GRM7: variants seen among roughly 807,000 people sequenced by gnomAD.
GRM7 encodes glutamate metabotropic receptor 7.
In GRM7, 35 loss-of-function variants were observed where a neutral mutation model predicts 84.5. The observed-to-expected ratio is 0.41, with a 90% CI of 0.32 to 0.55. The LOEUF is 0.55. Among genes scored for constraint, GRM7 ranks in the 20% least tolerant of loss-of-function variants. The pLI is 0.19. For missense variants in GRM7, 1,003 were observed against 1,194.6 expected, an observed-to-expected ratio of 0.84 and a Z score of 2.36; for synonymous variants, 487 against 455.1, an observed-to-expected ratio of 1.07 and a Z score of -0.89.
intron 1 of GRM7, among the ~76,000 whole-genome samples, chr3:7,048,170 G>C (rs1286865205): frequency 1.3e-5 from 2 of 151,872 alleles, no homozygotes; most frequent in African/African-American, 4.8e-5. Context: ...GCAAGCATAG[G>C]AGATAAGCAA....
intron 1 of GRM7, among the ~76,000 whole-genome samples, chr3:7,033,222 T>C (rs1350674847): frequency 1.3e-5 from 2 of 152,144 alleles, no homozygotes; most frequent in Non-Finnish European, 2.9e-5. Context: ...AGAGCAGTGC[T>C]TGAGTTTAAG....
At chr3:7,621,544 A>T (rs1376310384) in intron 8 of GRM7, among the ~76,000 whole-genome samples, 1 of 152,134 alleles carries the variant, frequency 6.6e-6, no homozygotes, top group Non-Finnish European at 1.5e-5. Flanking sequence ...GATGGAGTTG[A>T]AATGCTTGTG....
chr3:7,383,958 C>T (rs2125132651), intron 4 of GRM7, among the ~76,000 whole-genome samples: 1 of 152,276 alleles, frequency 6.6e-6, no homozygotes, highest in South Asian at 2.1e-4. Context: ...CCATCTAAGT[C>T]ATCTGGACCC....
intron 9 of GRM7, among the ~76,000 whole-genome samples, chr3:7,733,474 C>G (rs74331597): frequency 0.016 from 2,425 of 152,298 alleles, 64 homozygotes; most frequent in African/African-American, 0.055. Context: ...GGCCTCCAGT[C>G]CACTGCCCCC....
At position 6,901,592 on chromosome 3, in the gene GRM7, C is replaced by G. The variant is rs377686776; in HGVS notation, c.519+39685C>G. Among the ~76,000 whole-genome samples the G allele has an allele frequency of 1.1e-4, 10 of 90,474 alleles. No individual in the cohort carries two copies. The East Asian group carries it at 4.9e-3, about 45-fold the overall frequency. The allele number at this position is 90,474 out of a possible 152,430, so 59.4% of individuals were successfully genotyped here. ...CAGCCTGGCCAGCCTGGTGACAGAG[C>G]AAGACTCCGTCTAAAAAAAAAAAAA... On this transcript the variant is annotated intron_variant, in intron 1 of 9. Coordinates refer to ENST00000357716, the MANE Select transcript of GRM7 (RefSeq NM_000844.4).
At chr3:6,898,415 A>G (rs1696266770) in intron 1 of GRM7, among the ~76,000 whole-genome samples, 1 of 152,010 alleles carries the variant, frequency 6.6e-6, no homozygotes, top group Non-Finnish European at 1.5e-5. Flanking sequence ...AAAAAAAAAA[A>G]AAAAGGCAGG....
At chr3:7,000,234 C>G (rs1420515319) in intron 1 of GRM7, among the ~76,000 whole-genome samples, 1 of 143,484 alleles carries the variant, frequency 7.0e-6, no homozygotes, top group Non-Finnish European at 1.5e-5. Flanking sequence ...TTCAGTGGCA[C>G]AATCTTGGCT....
chr3:7,358,356 A>ACAACTTCCTGGTTCAAGTGATCCTCCT (rs1553567490), intron 4 of GRM7, among the ~76,000 whole-genome samples: 19 of 125,526 alleles, frequency 1.5e-4, no homozygotes, highest in Middle Eastern at 4.0e-3. Flanking sequence ...ACTGAGTCCC[A>ACAACTTCCTGGTTCAAGTGATCCTCCT]GGAGATCATC....
chr3:6,882,304 C>T (rs1173437219), intron 1 of GRM7, among the ~76,000 whole-genome samples: 1 of 152,062 alleles, frequency 6.6e-6, no homozygotes, highest in Non-Finnish European at 1.5e-5. Context: ...AAATCTAAAG[C>T]TTCTTGTTGA....
chr3:7,127,924 A>C (rs1353829), intron 1 of GRM7, among the ~76,000 whole-genome samples: 45,808 of 151,918 alleles, frequency 0.3, 8,959 homozygotes, highest in African/African-American at 0.56. Context: ...GATTAAGATC[A>C]GAATGAAAAG....
At chr3:7,241,732 G>A (rs900801048) in intron 2 of GRM7, among the ~76,000 whole-genome samples, 5 of 152,074 alleles carry the variant, frequency 3.3e-5, no homozygotes, top group African/African-American at 4.8e-5. Context: ...TAGGAAGCTG[G>A]TGCATACTTC....
chr3:7,562,444 C>T (rs555150291), intron 7 of GRM7, among the ~76,000 whole-genome samples: 1 of 152,022 alleles, frequency 6.6e-6, no homozygotes, highest in South Asian at 2.1e-4. Context: ...TTTTCTGTAA[C>T]TCCATTAATT....
Position 7,134,298 on chromosome 3 carries a change from C to T in GRM7, c.520-12154C>T, listed in dbSNP as rs115973512. Reference sequence around the variant, plus strand: ...CAGCTTCTTCCTTATTTTCCATGTTCCATAAAAAAATGGGATGAGACAAGT... The same window carrying T: ...CAGCTTCTTCCTTATTTTCCATGTTTCATAAAAAAATGGGATGAGACAAGT... On this transcript the variant is annotated intron_variant, in intron 1 of 9. Transcript: ENST00000357716. Among the ~76,000 whole-genome samples the T allele has an allele frequency of 8.0e-3, 1,210 of 152,016 alleles. 11 individuals carry two copies. Among genetic ancestry groups the T allele is most frequent in the African/African-American group, 0.02 (845 of 41,468 alleles).
chr3:7,714,501 T>C (rs1244618079), intron 9 of GRM7, among the ~76,000 whole-genome samples: 1 of 152,186 alleles, frequency 6.6e-6, no homozygotes, highest in Admixed American at 6.5e-5. Flanking sequence ...AGCAGCATCA[T>C]TGTCACCAGG....
chr3:7,238,970 A>T (rs1196371565), intron 2 of GRM7, among the ~76,000 whole-genome samples: 955 of 84,756 alleles, frequency 0.011, no homozygotes, highest in Middle Eastern at 0.029. Flanking sequence ...TTCTTTTATT[A>T]TTCTTTTCCC....
chr3:7,724,916 A>C (rs559043702), intron 9 of GRM7, among the ~76,000 whole-genome samples: 1 of 151,198 alleles, frequency 6.6e-6, no homozygotes, highest in East Asian at 2.0e-4. Flanking sequence ...GGCGCTTGAC[A>C]CCAGGCCCAG....
chr3:7,110,815 G>T (rs987775160), intron 1 of GRM7, among the ~76,000 whole-genome samples: 3 of 151,960 alleles, frequency 2.0e-5, no homozygotes, highest in African/African-American at 7.2e-5. Context: ...GCAACATCAA[G>T]GTTTGACAAG....
rs1338019801 is a variant in GRM7 at position 6,863,833 on chromosome 3, A to G, written c.519+1926A>G. On this transcript the variant is annotated intron_variant, in intron 1 of 9. Transcript: ENST00000357716. The surrounding 1 kb of genome is among the most constrained non-coding windows in gnomAD (Gnocchi z 4.8). ...TTAAAATTATTTTGCCTGTTTCTTC[A>G]CTCACCCTGGGCAGTACTGCGGATC... Among the ~76,000 whole-genome samples the G allele has an allele frequency of 1.3e-5, 2 of 152,052 alleles. No individual in the cohort carries two copies. Among genetic ancestry groups the G allele is most frequent in the Non-Finnish European group, 2.9e-5 (2 of 68,008 alleles).
At chr3:6,879,485 T>C (rs769567256) in intron 1 of GRM7, among the ~76,000 whole-genome samples, 1 of 152,226 alleles carries the variant, frequency 6.6e-6, no homozygotes, top group African/African-American at 2.4e-5. Flanking sequence ...TTTTGCTTAA[T>C]CATTCTGCTT....
Sources: gnomAD v4.1 joint callset for allele counts (sites outside exome capture counted in the v4.1 genomes callset) on GRCh38, gnomAD v4.1.1 for gene constraint, Gnocchi (gnomAD v3.1) non-coding constraint, MANE v1.5 for transcripts, NCBI Gene and HGNC (gene_info 2026-07-23, HGNC 2026-07-21) for gene names.